DLG2: variants seen among roughly 807,000 people sequenced by gnomAD.
The protein encoded by DLG2 is disks large homolog 2.
Under a neutral mutation model 132.5 loss-of-function variants are expected in DLG2, and 45 were observed. That is an observed-to-expected ratio of 0.34 (90% CI 0.27 to 0.44). The LOEUF (loss-of-function observed/expected upper bound fraction) is 0.44, where lower values mean the gene tolerates loss of function less well. Ranked by LOEUF, DLG2 falls within the 20% of genes least tolerant of loss-of-function variation. DLG2 has a pLI of 1.00. For missense variants in DLG2, 1,045 were observed against 1,196.9 expected (o/e 0.87, Z 1.87); for synonymous variants, 424 against 419.6 (o/e 1.01, Z -0.13).
intron 3 of DLG2, among the ~76,000 whole-genome samples, chr11:85,515,320 T>C (rs72953978): frequency 6.6e-6 from 1 of 152,084 alleles, no homozygotes; most frequent in Non-Finnish European, 1.5e-5. Flanking sequence ...GTAGTGGACC[T>C]AAACATTTTA....
chr11:83,479,036 C>A (rs904177526), intron 22 of DLG2, among the ~76,000 whole-genome samples: 2 of 151,814 alleles, frequency 1.3e-5, no homozygotes, highest in Non-Finnish European at 2.9e-5. Context: ...ATAACAAGAA[C>A]CTTCTGAATT....
Position 84,285,558 on chromosome 11 carries a change from C to T in DLG2, c.520-34267G>A, listed in dbSNP as rs551995474. Among the ~76,000 whole-genome samples, 99 of 152,312 alleles carry T rather than the reference C, an allele frequency of 6.5e-4. 1 individual carries two copies. Among genetic ancestry groups the T allele is most frequent in the Non-Finnish European group, 1.1e-3 (73 of 68,036 alleles). On this transcript the variant is annotated intron_variant, in intron 7 of 27. Transcript: ENST00000376104. ...TTTAAATCTTAGCTTCACTGTGCAT[C>T]GTAGGAGGCTTACCAGATCCCTGTC...
intron 3 of DLG2, among the ~76,000 whole-genome samples, chr11:85,293,873 G>A (rs769406620): frequency 4.6e-5 from 7 of 152,122 alleles, no homozygotes; most frequent in Non-Finnish European, 1.0e-4. Context: ...AAATGTGTAA[G>A]TATTTAGTGA....
intron 7 of DLG2, among the ~76,000 whole-genome samples, chr11:84,463,732 A>T (rs768189317): frequency 4.0e-5 from 6 of 151,210 alleles, no homozygotes; most frequent in Non-Finnish European, 7.4e-5. Context: ...TGAATGCTGG[A>T]TGAAACAAGG....
intron 3 of DLG2, among the ~76,000 whole-genome samples, chr11:85,457,514 T>G (rs1308391485): frequency 1.3e-5 from 2 of 152,218 alleles, no homozygotes; most frequent in African/African-American, 2.4e-5. Context: ...GACTTGCTTG[T>G]GTTGTTGCTT....
At chr11:83,816,913 A>T (rs925672470) in intron 17 of DLG2, among the ~76,000 whole-genome samples, 4 of 152,146 alleles carry the variant, frequency 2.6e-5, no homozygotes. Context: ...TCAGCTGGAA[A>T]CCTTTAAATA....
chr11:84,960,645 C>T (rs935258520), intron 6 of DLG2, among the ~76,000 whole-genome samples: 5 of 151,980 alleles, frequency 3.3e-5, no homozygotes, highest in African/African-American at 1.2e-4. Context: ...CACCGTATTG[C>T]CCAGGTTGGT....
chr11:84,007,390 C>T (rs1297824505), intron 11 of DLG2, among the ~76,000 whole-genome samples: 1 of 151,646 alleles, frequency 6.6e-6, no homozygotes, highest in East Asian at 1.9e-4. Context: ...GGTATCTTTA[C>T]TTTGCCATAA....
intron 7 of DLG2, among the ~76,000 whole-genome samples, chr11:84,490,564 A>C (rs776839912): frequency 9.2e-5 from 14 of 151,642 alleles, no homozygotes; most frequent in African/African-American, 3.4e-4. Context: ...GGTCCCTGGA[A>C]ATAGGCTATT....
At chr11:84,273,491 A>G (rs2097756915) in intron 7 of DLG2, among the ~76,000 whole-genome samples, 1 of 152,132 alleles carries the variant, frequency 6.6e-6, no homozygotes, top group Non-Finnish European at 1.5e-5. Flanking sequence ...TCATTCCTAC[A>G]CTTGTGAAAA....
At chr11:84,093,047 A>AAAAAG (rs1555337664) in intron 10 of DLG2, among the ~76,000 whole-genome samples, 11 of 151,532 alleles carry the variant, frequency 7.3e-5, no homozygotes, top group African/African-American at 1.9e-4. Flanking sequence ...AAAAAAAAAA[A>AAAAAG]AAAGAAAGAA....
At chr11:84,678,354 C>A (rs181954136) in intron 6 of DLG2, among the ~76,000 whole-genome samples, 170 of 152,194 alleles carry the variant, frequency 1.1e-3, no homozygotes, top group Non-Finnish European at 1.6e-3. Context: ...GTCTAATACA[C>A]CCTTGAGTTA....
At chr11:85,439,978 C>A (rs1302127746) in intron 3 of DLG2, among the ~76,000 whole-genome samples, 1 of 152,148 alleles carries the variant, frequency 6.6e-6, no homozygotes, top group Non-Finnish European at 1.5e-5. Context: ...AAATCCTAGG[C>A]TCTGAAATCA....
At chr11:84,431,420 A>C (rs954618274) in intron 7 of DLG2, among the ~76,000 whole-genome samples, 2 of 152,288 alleles carry the variant, frequency 1.3e-5, no homozygotes, top group Admixed American at 6.5e-5. Context: ...ATAAATATTA[A>C]CCATTGTTGT....
At chr11:83,572,263 T>G (rs556036514) in intron 19 of DLG2, among the ~76,000 whole-genome samples, 1 of 152,270 alleles carries the variant, frequency 6.6e-6, no homozygotes, top group African/African-American at 2.4e-5. Context: ...AAGTCATCTA[T>G]TACAGACAAG....
chr11:84,991,234 G>A (rs1182647697), intron 6 of DLG2, among the ~76,000 whole-genome samples: 1 of 152,188 alleles, frequency 6.6e-6, no homozygotes, highest in Non-Finnish European at 1.5e-5. Flanking sequence ...GGGATGTTGG[G>A]CATAGTGGCC....
At chr11:85,570,590 G>C (rs1010237893) in intron 3 of DLG2, among the ~76,000 whole-genome samples, 3 of 152,072 alleles carry the variant, frequency 2.0e-5, no homozygotes, top group African/African-American at 7.2e-5. Context: ...GGGGTATATT[G>C]AGCTTCCTGG....
chr11:84,542,836 G>A (rs1220687638), intron 6 of DLG2, among the ~76,000 whole-genome samples: 1 of 152,154 alleles, frequency 6.6e-6, no homozygotes, highest in Non-Finnish European at 1.5e-5. Context: ...CCATAATTGA[G>A]TATTCCCATC....
At chr11:83,715,470 G>T (rs184926830) in intron 18 of DLG2, among the ~76,000 whole-genome samples, 1 of 152,076 alleles carries the variant, frequency 6.6e-6, no homozygotes, top group Non-Finnish European at 1.5e-5. Context: ...CACTAAAGAG[G>T]CAAGAGAGCA....
Sources: gnomAD v4.1 joint callset for allele counts (sites outside exome capture counted in the v4.1 genomes callset) on GRCh38, gnomAD v4.1.1 for gene constraint, MANE v1.5 for transcripts, NCBI Gene and HGNC (gene_info 2026-07-23, HGNC 2026-07-21) for gene names.